Variants in RBM47 observed in about 807,000 individuals in gnomAD.
RBM47 encodes the protein RNA binding motif protein 47, also known as RNA-binding protein 47.
In RBM47, 21 loss-of-function variants were observed where a neutral mutation model predicts 47.1. The ratio of observed to expected loss-of-function variants is 0.45; its 90% confidence interval spans 0.32 to 0.64. The LOEUF (loss-of-function observed/expected upper bound fraction) is 0.64. Among genes scored for constraint, RBM47 ranks in the 30% least tolerant of loss-of-function variants. RBM47 has a pLI of 0.05. For synonymous variants in RBM47, 375 were observed against 361.7 expected (o/e 1.04, Z -0.42); for missense variants, 708 against 870.9 (o/e 0.81, Z 2.35).
intron 3 of RBM47, among the ~76,000 whole-genome samples, chr4:40,454,048 C>T (rs991944425): frequency 1.7e-4 from 26 of 152,178 alleles, no homozygotes; most frequent in African/African-American, 4.8e-4. Flanking sequence ...ATTTGACTCC[C>T]TGGCTGTTTT....
chr4:40,609,455 G>A (rs1013264952), intron 1 of RBM47, among the ~76,000 whole-genome samples: 1 of 151,630 alleles, frequency 6.6e-6, no homozygotes, highest in South Asian at 2.1e-4. Flanking sequence ...TGGGATTACA[G>A]GCACCCGCCA....
chr4:40,574,710 T>G (rs1433351842), intron 1 of RBM47, among the ~76,000 whole-genome samples: 1 of 151,828 alleles, frequency 6.6e-6, no homozygotes, highest in Non-Finnish European at 1.5e-5. Flanking sequence ...ATTAGCCAGG[T>G]GTGGTGGCAT....
intron 1 of RBM47, among the ~76,000 whole-genome samples, chr4:40,588,276 C>T (rs1481808610): frequency 6.6e-6 from 1 of 152,170 alleles, no homozygotes; most frequent in Non-Finnish European, 1.5e-5. Context: ...TCCAGCTTCC[C>T]AGGGCTCTAT....
intron 1 of RBM47, among the ~76,000 whole-genome samples, chr4:40,616,966 C>A (rs919154293): frequency 2.0e-5 from 3 of 150,366 alleles, no homozygotes; most frequent in Admixed American, 2.0e-4. Context: ...ACCTCCGCCT[C>A]CCAGATTCAA....
intron 5 of RBM47, among the ~76,000 whole-genome samples, chr4:40,434,310 G>A (rs1245393159): frequency 6.6e-6 from 1 of 152,044 alleles, no homozygotes; most frequent in Non-Finnish European, 1.5e-5. Context: ...AAAATACAAT[G>A]TTCTCATTTT....
chr4:40,472,554 C>T lies in RBM47; in HGVS notation c.-154-5855G>A, dbSNP rs563304849. On this transcript the variant is annotated intron_variant, in intron 2 of 6. Coordinates refer to ENST00000295971, the MANE Select transcript of RBM47 (RefSeq NM_001098634.2). Reference sequence around the variant, plus strand: ...CCCAGCCTGGGCAACAAGAGTGATGCTCTGTCTCAAAAAAAAAAAAAAAAA... The same window carrying T: ...CCCAGCCTGGGCAACAAGAGTGATGTTCTGTCTCAAAAAAAAAAAAAAAAA... Among the ~76,000 whole-genome samples, 29 of 123,302 alleles carry T rather than the reference C, an allele frequency of 2.4e-4. No homozygotes were observed. The East Asian group carries it at 4.7e-3, about 20-fold the overall frequency. The allele number at this position is 123,302 out of a possible 152,430, so 80.9% of individuals were successfully genotyped here.
At chr4:40,500,279 C>T (rs867708306) in intron 2 of RBM47, among the ~76,000 whole-genome samples, 1 of 150,050 alleles carries the variant, frequency 6.7e-6, no homozygotes. Context: ...TGCCACTGCA[C>T]TCCAGCCTGG....
chr4:40,539,474 C>T (rs1728283349), intron 2 of RBM47, among the ~76,000 whole-genome samples: 1 of 152,200 alleles, frequency 6.6e-6, no homozygotes, highest in South Asian at 2.1e-4. Context: ...GGCACGGTGA[C>T]TCGTGCCTGT....
chr4:40,441,647 T>A (rs1713669260), intron 3 of RBM47, among the ~76,000 whole-genome samples: 1 of 152,232 alleles, frequency 6.6e-6, no homozygotes, highest in South Asian at 2.1e-4. Context: ...ATAGAACTTA[T>A]CTCTCTGCTG....
chr4:40,516,206 G>C lies in RBM47; in HGVS notation c.-155+28216C>G, dbSNP rs539683407. Among the ~76,000 whole-genome samples the C allele has an allele frequency of 2.0e-5, 3 of 151,422 alleles. No homozygotes were observed. In the South Asian group the frequency reaches 6.2e-4, roughly 32 times the overall value. On this transcript the variant is annotated intron_variant, in intron 2 of 6. Coordinates refer to ENST00000295971, the MANE Select transcript of RBM47 (RefSeq NM_001098634.2). ...CTCTCCTTTCTTGCCTTGCTTCCCT[G>C]AGAGGAACATAATGGGTGTTGGGGG...
chr4:40,483,892 C>T (rs1291575907), intron 2 of RBM47, among the ~76,000 whole-genome samples: 2 of 152,144 alleles, frequency 1.3e-5, no homozygotes, highest in Admixed American at 6.5e-5. Context: ...ATTCTTTTTA[C>T]TTAGCAATGA....
At chr4:40,557,498 C>CA (rs1207461479) in intron 1 of RBM47, among the ~76,000 whole-genome samples, 4 of 152,124 alleles carry the variant, frequency 2.6e-5, no homozygotes, top group African/African-American at 9.7e-5. Flanking sequence ...CCTGTAATCC[C>CA]AGCGCTTTGG....
intron 1 of RBM47, among the ~76,000 whole-genome samples, chr4:40,625,413 TATA>T (rs1235028386): frequency 5.9e-5 from 9 of 152,186 alleles, no homozygotes; most frequent in African/African-American, 2.2e-4. Flanking sequence ...TACTTTTTAT[TATA>T]ATATTAATAT....
At chr4:40,499,578 C>A (rs2154249677) in intron 2 of RBM47, among the ~76,000 whole-genome samples, 1 of 151,988 alleles carries the variant, frequency 6.6e-6, no homozygotes, top group South Asian at 2.1e-4. Flanking sequence ...TCCAGCTAAT[C>A]TTTTTATTTT....
At chr4:40,426,526 T>G (rs997263887) in intron 6 of RBM47, among the ~76,000 whole-genome samples, 1 of 152,106 alleles carries the variant, frequency 6.6e-6, no homozygotes, top group Non-Finnish European at 1.5e-5. Context: ...ATGCACATCC[T>G]CCTGTATACT....
At chr4:40,541,104 C>A (rs59631109) in intron 2 of RBM47, among the ~76,000 whole-genome samples, 2,412 of 151,468 alleles carry the variant, frequency 0.016, 57 homozygotes, top group South Asian at 0.068. Flanking sequence ...GCCTGGGAAA[C>A]ATGGCGAGAC....
At chr4:40,505,865 T>G (rs1351115416) in intron 2 of RBM47, among the ~76,000 whole-genome samples, 4 of 151,464 alleles carry the variant, frequency 2.6e-5, no homozygotes, top group African/African-American at 7.3e-5. Context: ...GCAGCCTGGG[T>G]GACAGAGCGA....
At chr4:40,602,106 T>A (rs537753987) in intron 1 of RBM47, among the ~76,000 whole-genome samples, 28 of 152,050 alleles carry the variant, frequency 1.8e-4, no homozygotes, top group African/African-American at 5.1e-4. Flanking sequence ...AGGTGGAGGT[T>A]GCAGTGAGTG....
intron 2 of RBM47, 116 bp from the exon 3 acceptor site, chr4:40,466,815 T>A (rs1209424918): frequency 1.7e-5 from 2 of 114,490 alleles, no homozygotes; most frequent in African/African-American, 3.1e-5. Context: ...CTAAGCATAA[T>A]AATTAGAAAC....
Sources: allele counts gnomAD v4.1 joint callset (sites outside exome capture counted in the v4.1 genomes callset), GRCh38; gene constraint gnomAD v4.1.1; transcripts MANE v1.5; gene names NCBI Gene and HGNC (gene_info 2026-07-23, HGNC 2026-07-21).